Variants in DOCK1 observed in about 807,000 individuals in gnomAD.
DOCK1 encodes the protein dedicator of cytokinesis 1.
In DOCK1, 138 loss-of-function variants were observed where a neutral mutation model predicts 262.7. That is an observed-to-expected ratio of 0.53 (90% confidence interval 0.46 to 0.61). The LOEUF (loss-of-function observed/expected upper bound fraction) is 0.61. DOCK1 is among the 20% of genes least tolerant of loss of function. The probability of loss-of-function intolerance (pLI) is 0.00; values close to 1 mark genes in which losing one functional copy is unlikely to be tolerated. For missense variants in DOCK1, 1,908 were observed against 2,370.7 expected, an observed-to-expected ratio of 0.80 and a Z score of 4.05; for synonymous variants, 866 against 867.4, an observed-to-expected ratio of 1.00 and a Z score of 0.03.
intron 27 of DOCK1, among the ~76,000 whole-genome samples, chr10:127,186,620 C>A (rs566353651): frequency 2.0e-5 from 3 of 149,838 alleles, no homozygotes; most frequent in African/African-American, 7.4e-5. Flanking sequence ...AGAGCCAAAC[C>A]GTATCAGAGG....
At chr10:127,035,458 G>C (rs1367900273) in intron 18 of DOCK1, among the ~76,000 whole-genome samples, 3 of 152,096 alleles carry the variant, frequency 2.0e-5, no homozygotes, top group Non-Finnish European at 4.4e-5. Context: ...GCAGCCTCAT[G>C]GGGGCTGGAC....
intron 23 of DOCK1, among the ~76,000 whole-genome samples, chr10:127,079,022 A>G (rs764678228): frequency 1.3e-5 from 2 of 152,238 alleles, no homozygotes; most frequent in Non-Finnish European, 2.9e-5. Context: ...CCTTTATAAA[A>G]CAGCTGAATT....
intron 27 of DOCK1, among the ~76,000 whole-genome samples, chr10:127,171,232 A>T (rs949488910): frequency 5.3e-5 from 8 of 152,232 alleles, no homozygotes; most frequent in African/African-American, 1.7e-4. Context: ...ACGAAAAATA[A>T]TTTGGAAGCT....
chr10:127,268,427 G>T (rs2060444538), intron 29 of DOCK1, among the ~76,000 whole-genome samples: 1 of 149,804 alleles, frequency 6.7e-6, no homozygotes, highest in Non-Finnish European at 1.5e-5. Context: ...TTCAACCCAG[G>T]AGGCGGAGGT....
intron 40 of DOCK1, among the ~76,000 whole-genome samples, chr10:127,405,441 CTTTTTT>C (rs36056116): frequency 1.5e-5 from 2 of 134,160 alleles, no homozygotes; most frequent in Non-Finnish European, 3.1e-5. Flanking sequence ...TTTCTTATGA[CTTTTTT>C]TTTTTTTTTT....
chr10:127,448,743 G>C (rs1321911400), intron 51 of DOCK1, among the ~76,000 whole-genome samples: 1 of 151,836 alleles, frequency 6.6e-6, no homozygotes, highest in African/African-American at 2.4e-5. Context: ...AACTCCTGTA[G>C]AACATTGAAA....
Position 127,175,656 on chromosome 10 carries a change from C to G in DOCK1, c.2847+47892C>G. 1 of 1,613,560 alleles carries G rather than the reference C, an allele frequency of 6.2e-7. No individual in the cohort carries two copies. Among genetic ancestry groups the G allele is most frequent in the Non-Finnish European group, 8.5e-7 (1 of 1,179,960 alleles). ...GGTGGCAACCTCCGTTTTAAACACC[C>G]TCCTGAGGGCAGGTGGAGCGGGCTC... On this transcript the variant is annotated intron_variant, in intron 27 of 51. Transcript: ENST00000623213. The surrounding 1 kb of genome is among the most constrained non-coding windows in gnomAD (Gnocchi z 6.3).
In DOCK1 at chr10:127,304,403, C is replaced by A. The variant is rs574168475; in HGVS notation, c.3045-34603C>A. On this transcript the variant is annotated intron_variant, in intron 29 of 51. Transcript: ENST00000623213. ...TAATATATATTTGTATTTTCACTAA[C>A]CTTACCAAAGAGAAAAATGTCAGCC... Among the ~76,000 whole-genome samples the A allele has an allele frequency of 2.6e-3, 397 of 152,246 alleles. 4 individuals are homozygous for A. The highest frequency in any genetic ancestry group is 8.7e-3 in the African/African-American group (360 of 41,536).
intron 29 of DOCK1, among the ~76,000 whole-genome samples, chr10:127,337,302 AGC>A (rs954921104): frequency 2.0e-4 from 31 of 152,212 alleles, no homozygotes; most frequent in African/African-American, 7.5e-4. Context: ...CCATCTCTCT[AGC>A]TCATACTTTG....
intron 1 of DOCK1, among the ~76,000 whole-genome samples, chr10:126,956,946 G>A (rs1432384981): frequency 6.6e-6 from 1 of 152,142 alleles, no homozygotes; most frequent in Non-Finnish European, 1.5e-5. Flanking sequence ...GCTCAGGCCA[G>A]AGCCCACAGG....
chr10:127,292,536 G>A (rs953897396), intron 29 of DOCK1, among the ~76,000 whole-genome samples: 1 of 152,094 alleles, frequency 6.6e-6, no homozygotes, highest in Non-Finnish European at 1.5e-5. Context: ...AGCAAACAGG[G>A]GCCTTGGGGC....
chr10:126,958,032 T>C (rs2036887987), intron 1 of DOCK1, among the ~76,000 whole-genome samples: 1 of 152,210 alleles, frequency 6.6e-6, no homozygotes, highest in Non-Finnish European at 1.5e-5. Context: ...TTATCTATGG[T>C]AATAAAAATT....
intron 27 of DOCK1, among the ~76,000 whole-genome samples, chr10:127,210,005 T>C (rs1052501002): frequency 6.6e-6 from 1 of 152,156 alleles, no homozygotes; most frequent in Non-Finnish European, 1.5e-5. Context: ...ATTCCAAACT[T>C]GACTGCTAGG....
At chr10:127,158,453 C>A (rs566580727) in intron 27 of DOCK1, among the ~76,000 whole-genome samples, 1 of 152,294 alleles carries the variant, frequency 6.6e-6, no homozygotes, top group South Asian at 2.1e-4. Flanking sequence ...AGATTAATTG[C>A]TACCTTTGTA....
chr10:126,972,493 A>G (rs1359937782), intron 2 of DOCK1, among the ~76,000 whole-genome samples: 2 of 152,168 alleles, frequency 1.3e-5, no homozygotes, highest in Non-Finnish European at 2.9e-5. Context: ...CCCATATAGC[A>G]TATGAATAAA....
At chr10:127,079,651 C>T (rs1312337745) in intron 23 of DOCK1, among the ~76,000 whole-genome samples, 1 of 152,158 alleles carries the variant, frequency 6.6e-6, no homozygotes, top group African/African-American at 2.4e-5. Context: ...CTATTCCTGG[C>T]AGGGTGAGGT....
At chr10:126,910,961 C>T (rs1033437549) in intron 1 of DOCK1, among the ~76,000 whole-genome samples, 8 of 152,094 alleles carry the variant, frequency 5.3e-5, no homozygotes, top group Non-Finnish European at 1.2e-4. Flanking sequence ...GTTCACCTGT[C>T]GAAGGACATC....
intron 27 of DOCK1, among the ~76,000 whole-genome samples, chr10:127,145,057 T>C (rs1287983181): frequency 1.3e-5 from 2 of 152,202 alleles, no homozygotes; most frequent in African/African-American, 4.8e-5. Flanking sequence ...TCTTGGATGT[T>C]TTCCGTGACC....
At chr10:127,283,430 C>T (rs1028020648) in intron 29 of DOCK1, among the ~76,000 whole-genome samples, 1 of 152,236 alleles carries the variant, frequency 6.6e-6, no homozygotes, top group African/African-American at 2.4e-5. Context: ...TGATCCAACT[C>T]ACATGCCAGA....
Sources: allele counts gnomAD v4.1 joint callset (sites outside exome capture counted in the v4.1 genomes callset), GRCh38; gene constraint gnomAD v4.1.1; non-coding constraint Gnocchi (gnomAD v3.1); transcripts MANE v1.5; gene names NCBI Gene and HGNC (gene_info 2026-07-23, HGNC 2026-07-21).